The following FILIP1 variants were observed in gnomAD, a reference collection of about 807,000 sequenced individuals.
The protein encoded by FILIP1 is filamin-A-interacting protein 1.
Under a neutral mutation model 102.1 loss-of-function variants are expected in FILIP1, and 61 were observed. That is an observed-to-expected ratio of 0.60 (90% CI 0.49 to 0.74). The LOEUF (loss-of-function observed/expected upper bound fraction) is 0.74, where lower values mean the gene tolerates loss of function less well. FILIP1 is among the 30% of genes least tolerant of loss of function. FILIP1 has a pLI of 0.00. For missense variants in FILIP1, 1,314 were observed against 1,441.2 expected, an observed-to-expected ratio of 0.91 and a Z score of 1.43; for synonymous variants, 491 against 526.9, an observed-to-expected ratio of 0.93 and a Z score of 0.93.
chr6:75,329,289 C>T (rs1320115307), intron 4 of FILIP1, among the ~76,000 whole-genome samples: 1 of 152,188 alleles, frequency 6.6e-6, no homozygotes, highest in Non-Finnish European at 1.5e-5. Context: ...TTTCAGGGCT[C>T]CTTTTGCCCA....
intron 2 of FILIP1, among the ~76,000 whole-genome samples, chr6:75,394,529 C>T (rs1776396988): frequency 6.6e-6 from 1 of 152,130 alleles, no homozygotes. Context: ...ATTTGATTCA[C>T]AGCTTGTATC....
At chr6:75,404,039 T>A (rs773695314) in intron 2 of FILIP1, among the ~76,000 whole-genome samples, 1 of 152,136 alleles carries the variant, frequency 6.6e-6, no homozygotes, top group Non-Finnish European at 1.5e-5. Context: ...TTAATTCCAA[T>A]TGCTTTCACT....
At chr6:75,297,663 A>AT (rs1325837810) in intron 6 of FILIP1, among the ~76,000 whole-genome samples, 10 of 152,164 alleles carry the variant, frequency 6.6e-5, no homozygotes, top group Admixed American at 6.5e-4. Flanking sequence ...GTACTAATTA[A>AT]TATCATGTAG....
At chr6:75,344,035 T>G (rs1360964024) in intron 4 of FILIP1, among the ~76,000 whole-genome samples, 1 of 152,218 alleles carries the variant, frequency 6.6e-6, no homozygotes, top group East Asian at 1.9e-4. Context: ...GCAGTTCCAG[T>G]AACCCAACAG....
intron 4 of FILIP1, among the ~76,000 whole-genome samples, chr6:75,323,834 G>A (rs1773741602): frequency 8.9e-6 from 1 of 111,998 alleles, no homozygotes; most frequent in Non-Finnish European, 1.9e-5. Flanking sequence ...GATAGGGGTG[G>A]TTCCCCCCAC....
At chr6:75,333,601 A>G (rs147989451) in intron 4 of FILIP1, among the ~76,000 whole-genome samples, 1 of 152,082 alleles carries the variant, frequency 6.6e-6, no homozygotes, top group African/African-American at 2.4e-5. Context: ...TTAACAACCA[A>G]TGTTACACAA....
intron 2 of FILIP1, among the ~76,000 whole-genome samples, chr6:75,390,483 C>T (rs1391878579): frequency 6.6e-6 from 1 of 152,028 alleles, no homozygotes; most frequent in East Asian, 1.9e-4. Context: ...TTGGGGAGGC[C>T]TCAGGAGGTT....
chr6:75,432,945 G>C (rs979163033), intron 1 of FILIP1, among the ~76,000 whole-genome samples: 2 of 151,992 alleles, frequency 1.3e-5, no homozygotes, highest in Non-Finnish European at 2.9e-5. Flanking sequence ...TTCTGTCCTT[G>C]TGATAGTTTG....
rs758471115 is a variant in FILIP1 at position 75,349,119 on chromosome 6, G to A, written c.629+4420C>T. Among the ~76,000 whole-genome samples the A allele has an allele frequency of 3.3e-5, 5 of 152,172 alleles. No homozygotes were observed. In the East Asian group the frequency reaches 9.6e-4, roughly 29 times the overall value. Reference sequence around the variant, plus strand: ...CACCTGTAGAATGAGGGATTTGAAAGGGCTGATCTCAAAATCTTTTACAAT... The same window carrying A: ...CACCTGTAGAATGAGGGATTTGAAAAGGCTGATCTCAAAATCTTTTACAAT... On this transcript the variant is annotated intron_variant, in intron 4 of 5. Transcript: ENST00000237172.
chr6:75,454,312 A>G (rs1447273697), intron 1 of FILIP1, among the ~76,000 whole-genome samples: 1 of 152,142 alleles, frequency 6.6e-6, no homozygotes, highest in Admixed American at 6.6e-5. Flanking sequence ...GCAATAGTGC[A>G]TTGAGTCCTT....
intron 1 of FILIP1, chr6:75,455,022 T>A (rs186651056): frequency 6.6e-6 from 1 of 151,734 alleles, no homozygotes; most frequent in East Asian, 1.9e-4. Context: ...GGTGGGAGCA[T>A]TAGAAAGAAA....
intron 1 of FILIP1, among the ~76,000 whole-genome samples, chr6:75,478,231 G>T (rs775104126): frequency 6.6e-6 from 1 of 152,068 alleles, no homozygotes; most frequent in African/African-American, 2.4e-5. Context: ...AGCTTTACTC[G>T]GGGTAATGTT....
At chr6:75,438,425 A>T (rs1006838429) in intron 1 of FILIP1, among the ~76,000 whole-genome samples, 1 of 152,174 alleles carries the variant, frequency 6.6e-6, no homozygotes, top group Non-Finnish European at 1.5e-5. Context: ...AATTTAACCC[A>T]AGTAAGATAT....
intron 3 of FILIP1, among the ~76,000 whole-genome samples, chr6:75,356,471 CTT>C (rs111902501): frequency 0.046 from 6,556 of 142,788 alleles, 383 homozygotes; most frequent in African/African-American, 0.13. Context: ...TTTTTGTAGT[CTT>C]TTTTTTTTTT....
intron 2 of FILIP1, among the ~76,000 whole-genome samples, chr6:75,406,765 T>C (rs755484887): frequency 1.3e-5 from 2 of 151,510 alleles, no homozygotes; most frequent in African/African-American, 4.9e-5. Context: ...GTTGAAGTGA[T>C]TGTCCTGCCT....
In FILIP1 at chr6:75,436,883, A is replaced by T. The variant is rs78431396; in HGVS notation, c.-6-21905T>A. Among the ~76,000 whole-genome samples, 363 of 152,316 alleles carry T rather than the reference A, an allele frequency of 2.4e-3. 4 individuals are homozygous for T. Among genetic ancestry groups the T allele is most frequent in the East Asian group, 4.2e-3 (22 of 5,184 alleles). On this transcript the variant is annotated intron_variant, in intron 1 of 5. Transcript: ENST00000237172. ...TAGCATTTGCACTTCCCATGGTGTA[A>T]ATACCCCCATCATGGTCAATTTCAA...
chr6:75,458,984 C>CA (rs1314399249), intron 1 of FILIP1: 8 of 152,132 alleles, frequency 5.3e-5, no homozygotes, highest in African/African-American at 1.4e-4. Flanking sequence ...ATTTGGGGGA[C>CA]AGCCAAATGT....
intron 2 of FILIP1, among the ~76,000 whole-genome samples, chr6:75,403,598 T>C (rs1267693202): frequency 6.6e-6 from 1 of 151,454 alleles, no homozygotes; most frequent in African/African-American, 2.4e-5. Flanking sequence ...TAAACACATA[T>C]CCTGAATTTC....
At position 75,413,837 on chromosome 6, in the gene FILIP1, G is replaced by C. The variant is rs76389648; in HGVS notation, c.276+860C>G. 6.9e-3 allele frequency among the ~76,000 whole-genome samples: 1,037 copies of C among 150,746 alleles called. 32 individuals carry two copies. In the East Asian group the frequency reaches 0.1, roughly 15 times the overall value. ...TACTTCCAGAAATATAATTGTTCAG[G>C]GCTCAGAAACTCAGAAGAATCCTCA... is the stretch of plus-strand genomic sequence containing the variant. On this transcript the variant is annotated intron_variant, in intron 2 of 5. Coordinates refer to ENST00000237172, the MANE Select transcript of FILIP1 (RefSeq NM_015687.5).
Sources: gnomAD v4.1 joint callset for allele counts (sites outside exome capture counted in the v4.1 genomes callset) on GRCh38, gnomAD v4.1.1 for gene constraint, MANE v1.5 for transcripts, NCBI Gene and HGNC (gene_info 2026-07-23, HGNC 2026-07-21) for gene names.